Variants in CHERP observed in about 807,000 individuals in gnomAD.
CHERP encodes the protein ERPROT 213-21.
A neutral mutation model predicts 113.8 loss-of-function variants in CHERP; 8 were observed. That is an observed-to-expected ratio of 0.07 (90% CI 0.04 to 0.13). The LOEUF (loss-of-function observed/expected upper bound fraction) is 0.13, where lower values mean the gene tolerates loss of function less well. CHERP is among the 10% of genes least tolerant of loss of function. CHERP has a pLI of 1.00. For synonymous variants in CHERP, 559 were observed against 524.5 expected (o/e 1.07, Z -0.90); for missense variants, 884 against 1,298.2 (o/e 0.68, Z 4.90).
Position 16,532,137 on chromosome 19 carries a change from G to T in CHERP, c.674+461C>A. 6.2e-6 allele frequency: 1 copy of T among 161,002 alleles called. No homozygotes were observed. Among genetic ancestry groups the T allele is most frequent in the Non-Finnish European group, 1.4e-5 (1 of 72,990 alleles). The allele number at this position is 161,002 out of a possible 1,614,324, so 10.0% of individuals were successfully genotyped here. ...CTGTTGAAGCCTGAGAGATGGGTCA[G>T]GGCTGGAGAAGGGGATCCCAAAGGA... is the stretch of plus-strand genomic sequence containing the variant. On this transcript the variant is annotated intron_variant, in intron 5 of 16. Transcript: ENST00000546361. This position sits in a 1 kb window ranked among gnomAD's most constrained non-coding sequence, Gnocchi z 4.4.
chr19:16,521,762 G>A (rs2085617650), intron 11 of CHERP, 108 bp from the exon 12 acceptor site: 1 of 1,083,590 alleles, frequency 9.2e-7, no homozygotes, highest in Admixed American at 3.6e-5. Flanking sequence ...CAGTGTCAAG[G>A]GTACCCTGGG....
intron 2 of CHERP, chr19:16,541,282 G>C (rs963955257): frequency 5.3e-5 from 8 of 152,216 alleles, no homozygotes. Context: ...TGTGATACCT[G>C]CCCTGAGCAG....
chr19:16,528,151 C>A lies in CHERP; in HGVS notation c.1234G>T (p.Asp412Tyr). ...AAGPRGPGPH[D>Y]QIPPNKPPWF... is the part of the protein sequence containing the mutation. ...GGGGGCTTGTTTGGTGGGATCTGGT[C>A]GTGTGGCCCGGGGCCCCGGGGGCCG... Residue 412 changes from aspartate (D) to tyrosine (Y), a missense_variant, in exon 9 of 17, where the codon GAC becomes TAC. This residue lies in a region of CHERP where 464 missense variants were observed against 590.1 expected (regional missense o/e 0.79). Coordinates refer to ENST00000546361, the MANE Select transcript of CHERP (RefSeq NM_006387.6). 1 of 1,613,596 alleles carries A rather than the reference C, an allele frequency of 6.2e-7. No homozygotes were observed. Among genetic ancestry groups the A allele is most frequent in the Non-Finnish European group, 8.5e-7 (1 of 1,179,894 alleles).
rs2085638025 is a variant in CHERP, at chr19:16,523,705, A to AAT, written c.1742-417_1742-416dup. Among the ~76,000 whole-genome samples, 1 of 152,074 alleles carries AAT rather than the reference A, an allele frequency of 6.6e-6. No individual in the cohort carries two copies. The highest frequency in any genetic ancestry group is 1.5e-5 in the Non-Finnish European group (1 of 68,018). ...AATCCAACGTGACTGTTGCCGTTAT[A>AAT]ATAAGAGATTAGGACACAGACATGT... On this transcript the variant is annotated intron_variant, in intron 10 of 16. Transcript: ENST00000546361. This position sits in a 1 kb window ranked among gnomAD's most constrained non-coding sequence, Gnocchi z 4.0.
intron 3 of CHERP, among the ~76,000 whole-genome samples, chr19:16,534,951 C>T (rs1338779097): frequency 1.3e-5 from 2 of 152,100 alleles, no homozygotes; most frequent in East Asian, 3.9e-4. Flanking sequence ...TGGTGCATGC[C>T]TGTAATCTCA....
chr19:16,534,961 A>G (rs182520102), intron 3 of CHERP, among the ~76,000 whole-genome samples: 124 of 152,204 alleles, frequency 8.1e-4, no homozygotes, highest in Non-Finnish European at 1.9e-4. Flanking sequence ...CTGTAATCTC[A>G]GCTACTCCAG....
rs1238946561 is a variant in CHERP at position 16,525,675 on chromosome 19, C to T, written c.1308G>A (p.Pro436=). The change falls in exon 10 of 17, where the codon CCG becomes CCA. Residue 436 remains proline (P), a splice_region_variant and synonymous_variant. Coordinates refer to ENST00000546361, the MANE Select transcript of CHERP (RefSeq NM_006387.6). The surrounding 1 kb of genome is among the most constrained non-coding windows in gnomAD (Gnocchi z 6.5). ...HPVAPWGQQQ[P]PEQPPYPHHQ... ...GGTGCGGGTAGGGTGGCTGCTCTGG[C>T]GGCTGCAAGGGAAGGGACAGGCTTG... is the stretch of plus-strand genomic sequence containing the variant. 6.6e-7 allele frequency: 1 copy of T among 1,509,886 alleles called. No homozygotes were observed. The highest frequency in any genetic ancestry group is 8.8e-7 in the Non-Finnish European group (1 of 1,130,098). 93.5% of individuals were successfully genotyped at this position (1,509,886 alleles called of 1,614,324 possible).
intron 3 of CHERP, among the ~76,000 whole-genome samples, chr19:16,533,674 T>G (rs745828992): frequency 2.6e-5 from 4 of 152,110 alleles, no homozygotes; most frequent in Non-Finnish European, 4.4e-5. Context: ...GCGGAAGGAT[T>G]GCTGGAACCC....
chr19:16,529,569 A>G, intron 8 of CHERP, 79 bp downstream of exon 8: 1 of 1,476,410 alleles, frequency 6.8e-7, no homozygotes, highest in African/African-American at 1.4e-5. Flanking sequence ...AGGGTGGCAG[A>G]CTGCTTTCTG....
Position 16,519,873 on chromosome 19 carries a change from G to C in CHERP, c.2463-158C>G. On this transcript the variant is annotated intron_variant, in intron 15 of 16. Transcript: ENST00000546361. The surrounding 1 kb of genome is among the most constrained non-coding windows in gnomAD (Gnocchi z 6.0). ...GTCTCTACCCGTTTATCCTGTCTCA[G>C]CTAGATAAGGGGGCTCCAGACGCTG... 1 of 724,666 alleles carries C rather than the reference G, an allele frequency of 1.4e-6. No individual in the cohort carries two copies. Among genetic ancestry groups the C allele is most frequent in the Admixed American group, 2.2e-5 (1 of 44,920 alleles). The allele number at this position is 724,666 out of a possible 1,614,324, so 44.9% of individuals were successfully genotyped here.
chr19:16,527,988 A>G lies in CHERP; in HGVS notation c.1305+92T>C, dbSNP rs1445675099. On this transcript the variant is annotated intron_variant, in intron 9 of 16. Transcript: ENST00000546361. ...GAATATCCCTCATTGTTCCCCAGTA[A>G]GCCACTCAACGCCCACCAACTGGCA... 5 of 1,243,858 alleles carry G rather than the reference A, an allele frequency of 4.0e-6. No individual in the cohort carries two copies. The East Asian group carries it at 1.2e-4, about 29-fold the overall frequency. The allele number at this position is 1,243,858 out of a possible 1,614,324, so 77.1% of individuals were successfully genotyped here.
chr19:16,526,760 C>T (rs1007208445), intron 9 of CHERP, among the ~76,000 whole-genome samples: 30 of 151,444 alleles, frequency 2.0e-4, no homozygotes, highest in African/African-American at 7.3e-4. Flanking sequence ...GCCACCACGC[C>T]CAGCCTTGCT....
rs1390218686 is a variant in CHERP at position 16,523,697 on chromosome 19, G to T, written c.1742-407C>A. ...GTGGCCCGAATCCAACGTGACTGTT[G>T]CCGTTATAATAAGAGATTAGGACAC... On this transcript the variant is annotated intron_variant, in intron 10 of 16. Transcript: ENST00000546361. The surrounding 1 kb of genome is among the most constrained non-coding windows in gnomAD (Gnocchi z 4.0). Among the ~76,000 whole-genome samples the T allele has an allele frequency of 6.6e-6, 1 of 152,034 alleles. No individual in the cohort carries two copies. Among genetic ancestry groups the T allele is most frequent in the Non-Finnish European group, 1.5e-5 (1 of 68,018 alleles).
chr19:16,519,194 T>C lies in CHERP; in HGVS notation c.2716A>G (p.Ile906Val). Reference protein sequence around the residue: ...NYRRNKSYSFIARMKARDECK With the variant: ...NYRRNKSYSFVARMKARDECK ...TCGTCCCTGGCCTTCATGCGGGCGA[T>C]GAAGGAGTAGCTCTTGTTCCTGCGG... The change falls in exon 17 of 17, where the codon ATC becomes GTC. Residue 906 changes from isoleucine (I) to valine (V), a missense_variant. By Grantham distance (29) the Ile-to-Val change is conservative (BLOSUM62 3). Coordinates refer to ENST00000546361, the MANE Select transcript of CHERP (RefSeq NM_006387.6). The surrounding 1 kb of genome is among the most constrained non-coding windows in gnomAD (Gnocchi z 6.0). 1 of 1,613,908 alleles carries C rather than the reference T, an allele frequency of 6.2e-7. No homozygotes were observed. Among genetic ancestry groups the C allele is most frequent in the Non-Finnish European group, 8.5e-7 (1 of 1,179,994 alleles).
chr19:16,519,866 T>C lies in CHERP; in HGVS notation c.2463-151A>G. On this transcript the variant is annotated intron_variant, in intron 15 of 16. Transcript: ENST00000546361. The surrounding 1 kb of genome is among the most constrained non-coding windows in gnomAD (Gnocchi z 6.0). ...ATTTTGCGTCTCTACCCGTTTATCC[T>C]GTCTCAGCTAGATAAGGGGGCTCCA... 1 of 746,686 alleles carries C rather than the reference T, an allele frequency of 1.3e-6. No homozygotes were observed. The allele number at this position is 746,686 out of a possible 1,614,324, so 46.3% of individuals were successfully genotyped here. A position where few individuals can be genotyped will look rare whatever the true frequency, so the allele number is the denominator to read the frequency against.
intron 2 of CHERP, among the ~76,000 whole-genome samples, chr19:16,540,923 C>T (rs1368154657): frequency 6.6e-6 from 1 of 152,084 alleles, no homozygotes; most frequent in Non-Finnish European, 1.5e-5. Flanking sequence ...GTCTCAGACT[C>T]CTAACCTCAA....
In CHERP at chr19:16,532,487, T is replaced by C; in HGVS notation, c.674+111A>G. 7.5e-7 allele frequency: 1 copy of C among 1,329,506 alleles called. No homozygotes were observed. 82.4% of individuals were successfully genotyped at this position (1,329,506 alleles called of 1,614,324 possible). Reference sequence around the variant, plus strand: ...CCGGGGTCCCCGGACAAGTGCCCCCTAGTCTCGGGACAGGCCAAGCCAAGC... The same window carrying C: ...CCGGGGTCCCCGGACAAGTGCCCCCCAGTCTCGGGACAGGCCAAGCCAAGC... On this transcript the variant is annotated intron_variant, in intron 5 of 16. Transcript: ENST00000546361. This position sits in a 1 kb window ranked among gnomAD's most constrained non-coding sequence, Gnocchi z 4.4.
At chr19:16,541,533 G>T (rs537504053) in intron 2 of CHERP, 5 of 240,260 alleles carry the variant, frequency 2.1e-5, no homozygotes, top group Non-Finnish European at 4.0e-5. Flanking sequence ...CTGTCCCATG[G>T]ACTCCCATCC....
Position 16,520,728 on chromosome 19 carries a change from G to A in CHERP, c.2201+98C>T, listed in dbSNP as rs1270098665. The A allele has an allele frequency of 7.8e-7, 1 of 1,288,944 alleles. No individual in the cohort carries two copies. Among genetic ancestry groups the A allele is most frequent in the African/African-American group, 1.5e-5 (1 of 68,424 alleles). 79.8% of individuals were successfully genotyped at this position (1,288,944 alleles called of 1,614,324 possible). A position where few individuals can be genotyped will look rare whatever the true frequency, so the allele number is the denominator to read the frequency against. Reference sequence around the variant, plus strand: ...ACACCGCCCCATAGGCACAGGCTGTGTGAGGGTGGACGTGATGAGTGTATC... The same window carrying A: ...ACACCGCCCCATAGGCACAGGCTGTATGAGGGTGGACGTGATGAGTGTATC... On this transcript the variant is annotated intron_variant, in intron 13 of 16. Transcript: ENST00000546361. This position sits in a 1 kb window ranked among gnomAD's most constrained non-coding sequence, Gnocchi z 4.0.
Sources: gnomAD v4.1 joint callset for allele counts (sites outside exome capture counted in the v4.1 genomes callset) on GRCh38, gnomAD v4.1.1 for gene constraint, gnomAD v4.1.1 regional missense constraint, Gnocchi (gnomAD v3.1) non-coding constraint, MANE v1.5 for transcripts, NCBI Gene and HGNC (gene_info 2026-07-23, HGNC 2026-07-21) for gene names.